The following SPON1 variants were observed in gnomAD, a reference collection of about 807,000 sequenced individuals.
SPON1 encodes spondin-1.
Under a neutral mutation model 111.7 loss-of-function variants are expected in SPON1, and 52 were observed. The ratio of observed to expected loss-of-function variants is 0.47; its 90% CI spans 0.37 to 0.59. SPON1 has a LOEUF of 0.59. Ranked by LOEUF, SPON1 falls within the 20% of genes least tolerant of loss-of-function variation. The pLI is 0.00. For synonymous variants in SPON1, 410 were observed against 395.8 expected (o/e 1.04, Z -0.43); for missense variants, 957 against 1,068.5 (o/e 0.90, Z 1.46).
chr11:14,112,110 A>G (rs543746207), intron 5 of SPON1, among the ~76,000 whole-genome samples: 1,552 of 136,878 alleles, frequency 0.011, 10 homozygotes, highest in African/African-American at 0.017. Context: ...TTTGCAGGGG[A>G]AAAAAAAAAA....
At chr11:14,153,970 G>C (rs183858811) in intron 6 of SPON1, among the ~76,000 whole-genome samples, 1 of 152,332 alleles carries the variant, frequency 6.6e-6, no homozygotes, top group Non-Finnish European at 1.5e-5. Flanking sequence ...AATCTCCTTA[G>C]ACTCCATGTC....
chr11:14,172,347 A>C (rs1460362944), intron 6 of SPON1, among the ~76,000 whole-genome samples: 2 of 151,724 alleles, frequency 1.3e-5, no homozygotes, highest in Non-Finnish European at 2.9e-5. Flanking sequence ...TTTGCTTGGT[A>C]GATCTTCCTC....
In SPON1 at chr11:14,090,823, GGCCCCCC is replaced by G. The variant is rs1437808647; in HGVS notation, c.676+10803_676+10809del. On this transcript the variant is annotated intron_variant, in intron 5 of 15. Transcript: ENST00000576479. Reference sequence around the variant, plus strand: ...GCAGCCTGCTTTTATTCTCTTATCTGGCCCCCCCCCCCCCCCCCCCCGCCCACATCCT... The same window carrying G: ...GCAGCCTGCTTTTATTCTCTTATCTGCCCCCCCCCCCCCCGCCCACATCCT... Among the ~76,000 whole-genome samples the G allele has an allele frequency of 4.8e-4, 13 of 27,052 alleles. 1 individual carries two copies. The highest frequency in any genetic ancestry group is 2.9e-3 in the African/African-American group (11 of 3,748). The allele number at this position is 27,052 out of a possible 152,430, so 17.7% of individuals were successfully genotyped here. A position where few individuals can be genotyped will look rare whatever the true frequency, so the allele number is the denominator to read the frequency against.
chr11:14,226,261 C>A (rs1032030908), intron 6 of SPON1, among the ~76,000 whole-genome samples: 5 of 152,180 alleles, frequency 3.3e-5, no homozygotes, highest in Non-Finnish European at 7.3e-5. Context: ...CTTCTAATGA[C>A]AGGTTTTAGT....
chr11:14,085,898 C>T (rs1432455062), intron 5 of SPON1, among the ~76,000 whole-genome samples: 1 of 152,140 alleles, frequency 6.6e-6, no homozygotes, highest in East Asian at 1.9e-4. Context: ...GTATTTTATT[C>T]TCTTTGTAGC....
At chr11:14,195,496 A>T (rs1025909986) in intron 6 of SPON1, among the ~76,000 whole-genome samples, 1 of 152,244 alleles carries the variant, frequency 6.6e-6, no homozygotes, top group Non-Finnish European at 1.5e-5. Flanking sequence ...ATACCATGGA[A>T]TTCTTACAGT....
intron 6 of SPON1, among the ~76,000 whole-genome samples, chr11:14,196,774 G>A (rs1554935128): frequency 6.6e-6 from 1 of 152,178 alleles, no homozygotes; most frequent in Non-Finnish European, 1.5e-5. Flanking sequence ...TTCAGGCCAG[G>A]CATGGCAGCT....
chr11:13,963,246 G>A, intron 1 of SPON1, 104 bp downstream of exon 1: 10 of 850,472 alleles, frequency 1.2e-5, no homozygotes, highest in East Asian at 3.2e-5. Flanking sequence ...GGCGCGTGGC[G>A]CGGGTGCAGC....
intron 3 of SPON1, among the ~76,000 whole-genome samples, chr11:14,044,603 C>A (rs1456411336): frequency 6.6e-6 from 1 of 152,188 alleles, no homozygotes; most frequent in East Asian, 1.9e-4. Flanking sequence ...CAGAGTGAAA[C>A]CCCATCTCAA....
intron 6 of SPON1, among the ~76,000 whole-genome samples, chr11:14,160,547 T>A (rs545858283): frequency 6.4e-4 from 15 of 23,270 alleles, no homozygotes; most frequent in Non-Finnish European, 7.7e-4. Context: ...ATATATATAT[T>A]TATATATATA....
intron 2 of SPON1, among the ~76,000 whole-genome samples, chr11:14,026,402 T>A (rs1261394599): frequency 7.2e-5 from 11 of 152,236 alleles, no homozygotes; most frequent in African/African-American, 2.2e-4. Flanking sequence ...AGTTCATGGA[T>A]GTGTACCATA....
chr11:14,189,567 T>G (rs1413040745), intron 6 of SPON1, among the ~76,000 whole-genome samples: 1 of 152,178 alleles, frequency 6.6e-6, no homozygotes, highest in Non-Finnish European at 1.5e-5. Context: ...CTCCCAAGGC[T>G]TCCTTGCTCT....
intron 6 of SPON1, among the ~76,000 whole-genome samples, chr11:14,171,127 A>G (rs1187625769): frequency 7.9e-5 from 12 of 152,010 alleles, no homozygotes; most frequent in African/African-American, 2.9e-4. Context: ...CTGGTCCTGG[A>G]CTTTTTTTGG....
chr11:13,976,995 A>G (rs1848108322), intron 1 of SPON1, among the ~76,000 whole-genome samples: 1 of 152,146 alleles, frequency 6.6e-6, no homozygotes, highest in South Asian at 2.1e-4. Flanking sequence ...ACTTGAGATT[A>G]CGTTTGTGAG....
intron 3 of SPON1, among the ~76,000 whole-genome samples, chr11:14,047,202 A>T (rs1394571885): frequency 6.6e-6 from 1 of 152,166 alleles, no homozygotes; most frequent in Non-Finnish European, 1.5e-5. Context: ...TAGCACCTCT[A>T]GTACAGTATT....
Position 14,135,698 on chromosome 11 carries a change from G to C in SPON1, c.825+130G>C, listed in dbSNP as rs920356283. The C allele has an allele frequency of 5.4e-6, 5 of 924,410 alleles. No homozygotes were observed. In the African/African-American group the frequency reaches 8.3e-5, roughly 15 times the overall value. The allele number at this position is 924,410 out of a possible 1,614,324, so 57.3% of individuals were successfully genotyped here. On this transcript the variant is annotated intron_variant, in intron 6 of 15. Transcript: ENST00000576479. The surrounding 1 kb of genome is among the most constrained non-coding windows in gnomAD (Gnocchi z 4.4). ...AGAAAATCTATTTGCTGAGTTTGGG[G>C]GTTTTATGTTAAGTAGAGGACAGAC...
At chr11:14,116,544 G>A (rs782633261) in intron 5 of SPON1, among the ~76,000 whole-genome samples, 5 of 152,010 alleles carry the variant, frequency 3.3e-5, no homozygotes, top group Non-Finnish European at 7.4e-5. Flanking sequence ...ACATCTGTGG[G>A]TCTGTTTCAG....
chr11:14,052,250 A>G (rs1332512085), intron 3 of SPON1, among the ~76,000 whole-genome samples: 1 of 152,260 alleles, frequency 6.6e-6, no homozygotes, highest in Admixed American at 6.5e-5. Context: ...ATGAGTATTA[A>G]GAAGCAATTA....
chr11:14,243,004 T>C (rs1266846839), intron 6 of SPON1, among the ~76,000 whole-genome samples: 2 of 152,220 alleles, frequency 1.3e-5, no homozygotes, highest in Non-Finnish European at 2.9e-5. Context: ...CCCTCTGAAA[T>C]GGACATGACA....
Sources: allele counts gnomAD v4.1 joint callset (sites outside exome capture counted in the v4.1 genomes callset), GRCh38; gene constraint gnomAD v4.1.1; non-coding constraint Gnocchi (gnomAD v3.1); transcripts MANE v1.5; gene names NCBI Gene and HGNC (gene_info 2026-07-23, HGNC 2026-07-21).